Variants in ANKFY1 observed in about 807,000 individuals in gnomAD.
ANKFY1 encodes ankyrin repeat and FYVE domain-containing protein 1.
In ANKFY1, 47 loss-of-function variants were observed where a neutral mutation model predicts 128.3. That is an observed-to-expected ratio of 0.37 (90% confidence interval 0.29 to 0.47). The LOEUF (loss-of-function observed/expected upper bound fraction) is 0.47. Ranked by LOEUF, ANKFY1 falls within the 20% of genes least tolerant of loss-of-function variation. ANKFY1 has a pLI of 1.00. For missense variants in ANKFY1, 1,222 were observed against 1,510.6 expected (o/e 0.81, Z 3.17); for synonymous variants, 553 against 601.6 (o/e 0.92, Z 1.18).
At chr17:4,245,687 G>C (rs867456464) in intron 1 of ANKFY1, among the ~76,000 whole-genome samples, 2 of 149,688 alleles carry the variant, frequency 1.3e-5, no homozygotes, top group Non-Finnish European at 3.0e-5. Flanking sequence ...AGGCTGCAAA[G>C]AGCCGAGATT....
At chr17:4,171,295 A>G (rs529925106) in intron 22 of ANKFY1, among the ~76,000 whole-genome samples, 182 of 152,330 alleles carry the variant, frequency 1.2e-3, no homozygotes, top group Non-Finnish European at 2.2e-3. Context: ...TTGTGTACAC[A>G]TGGAGAAGAA....
At chr17:4,258,094 G>C (rs1271505068) in intron 1 of ANKFY1, among the ~76,000 whole-genome samples, 1 of 152,178 alleles carries the variant, frequency 6.6e-6, no homozygotes, top group Non-Finnish European at 1.5e-5. Flanking sequence ...GCTACAGCTG[G>C]TGACAGTAGT....
chr17:4,198,125 G>A (rs1172276222), intron 7 of ANKFY1, among the ~76,000 whole-genome samples: 10 of 146,378 alleles, frequency 6.8e-5, no homozygotes, highest in Non-Finnish European at 1.1e-4. Context: ...GCAAAACTCC[G>A]TCTTAAAAAA....
chr17:4,179,610 A>T, intron 17 of ANKFY1, 111 bp downstream of exon 17: 1 of 1,404,536 alleles, frequency 7.1e-7, no homozygotes, highest in East Asian at 2.3e-5. Context: ...TCGTGTGTTC[A>T]TGAAGCAGCA....
chr17:4,256,534 G>C (rs1968137966), intron 1 of ANKFY1, among the ~76,000 whole-genome samples: 1 of 152,120 alleles, frequency 6.6e-6, no homozygotes, highest in Non-Finnish European at 1.5e-5. Context: ...TGTGAGAGGT[G>C]TACAGCATCC....
chr17:4,200,145 T>C lies in ANKFY1; in HGVS notation c.899-2568A>G, dbSNP rs1194944474. Among the ~76,000 whole-genome samples the C allele has an allele frequency of 2.0e-5, 3 of 151,108 alleles. No homozygotes were observed. The Admixed American group carries it at 2.0e-4, about 10-fold the overall frequency. On this transcript the variant is annotated intron_variant, in intron 7 of 24. Transcript: ENST00000341657. ...GTCATCATCACGGCTCACTGCAGCC[T>C]CAACTTCCAGGGCTCAGTTGATCCT...
intron 1 of ANKFY1, among the ~76,000 whole-genome samples, chr17:4,259,081 G>C (rs1367770935): frequency 6.6e-6 from 1 of 152,156 alleles, no homozygotes; most frequent in Non-Finnish European, 1.5e-5. Flanking sequence ...AGAAACATTA[G>C]GCGCTGTGGA....
At chr17:4,215,455 GCTT>G (rs1349275713) in intron 4 of ANKFY1, among the ~76,000 whole-genome samples, 10 of 152,126 alleles carry the variant, frequency 6.6e-5, no homozygotes, top group Admixed American at 6.6e-4. Flanking sequence ...AGCAACGGCT[GCTT>G]CACACTGAAC....
Position 4,169,059 on chromosome 17 carries a change from T to G in ANKFY1, c.3377+139A>C. 1.4e-6 allele frequency: 1 copy of G among 735,716 alleles called. No individual in the cohort carries two copies. The highest frequency in any genetic ancestry group is 2.3e-6 in the Non-Finnish European group (1 of 432,172). 45.6% of individuals were successfully genotyped at this position (735,716 alleles called of 1,614,324 possible). A position where few individuals can be genotyped will look rare whatever the true frequency, so the allele number is the denominator to read the frequency against. ...TCAGTAGGATCCTTGGGTGTGCTCA[T>G]CTCATCCCTCCATTTGGTCAAGGTT... On this transcript the variant is annotated intron_variant, in intron 24 of 24. Coordinates refer to ENST00000341657, the MANE Select transcript of ANKFY1 (RefSeq NM_001330063.2). This position sits in a 1 kb window ranked among gnomAD's most constrained non-coding sequence, Gnocchi z 5.0.
Position 4,242,406 on chromosome 17 carries a change from T to C in ANKFY1, c.53A>G (p.Gln18Arg), listed in dbSNP as rs1159986772. ...CTTCTTCTGCAGCTTGACATACTCC[T>C]GCCGCAGAAGCATCAAGTGCTTCTC... ...KLEKHLMLLR[Q>R]EYVKLQKKLA... The change falls in exon 2 of 25, where the codon CAG (glutamine) becomes CGG (arginine). Residue 18 changes from glutamine (Q) to arginine (R), a missense_variant. Gln to Arg is a conservative substitution (Grantham distance 43). Coordinates refer to ENST00000341657, the MANE Select transcript of ANKFY1 (RefSeq NM_001330063.2). 1.3e-5 allele frequency: 21 copies of C among 1,583,872 alleles called. No individual in the cohort carries two copies. The highest frequency in any genetic ancestry group is 1.8e-5 in the Non-Finnish European group (21 of 1,167,918).
chr17:4,178,938 G>A lies in ANKFY1; in HGVS notation c.2517C>T (p.Thr839=), dbSNP rs1238389488. 6.2e-7 allele frequency: 1 copy of A among 1,614,158 alleles called. No individual in the cohort carries two copies. Among genetic ancestry groups the A allele is most frequent in the South Asian group, 1.1e-5 (1 of 91,076 alleles). ...TGAAAGTCATGGCACAGGCAAACGG[G>A]GTCAGCCCTTGTCTGTCTCGTACAT... The part of the protein sequence containing the change: ...HLNVRDRQGL[T]PFACAMTFKN... The change falls in exon 18 of 25, where the codon ACC becomes ACT. Residue 839 remains threonine (T), a synonymous_variant. Transcript: ENST00000341657. This position sits in a 1 kb window ranked among gnomAD's most constrained non-coding sequence, Gnocchi z 4.1.
intron 5 of ANKFY1, among the ~76,000 whole-genome samples, chr17:4,209,192 G>A (rs2060080970): frequency 6.6e-6 from 1 of 152,248 alleles, no homozygotes. Context: ...GAAGCTGCAG[G>A]GCCTGCTGGC....
At chr17:4,238,925 A>G (rs1410959384) in intron 2 of ANKFY1, among the ~76,000 whole-genome samples, 3 of 152,126 alleles carry the variant, frequency 2.0e-5, no homozygotes, top group African/African-American at 7.2e-5. Flanking sequence ...CGCCCAGCTA[A>G]TTTTTGTAAT....
At position 4,189,362 on chromosome 17, in the gene ANKFY1, G is replaced by A. The variant is rs374929577; in HGVS notation, c.1470+20C>T. The A allele has an allele frequency of 1.0e-4, 154 of 1,545,558 alleles. No individual in the cohort carries two copies. Among genetic ancestry groups the A allele is most frequent in the Non-Finnish European group, 1.2e-4 (141 of 1,138,040 alleles). ...TCCATAGATCAACACCATTTTCTCC[G>A]GCTGCCCTGTCACACTTACCCACTT... On this transcript the variant is annotated intron_variant, in intron 11 of 24. Coordinates refer to ENST00000341657, the MANE Select transcript of ANKFY1 (RefSeq NM_001330063.2).
chr17:4,185,672 G>A lies in ANKFY1; in HGVS notation c.1471-626C>T, dbSNP rs150957733. Among the ~76,000 whole-genome samples the A allele has an allele frequency of 5.0e-3, 760 of 152,256 alleles. 5 individuals are homozygous for A. Among genetic ancestry groups the A allele is most frequent in the African/African-American group, 0.018 (734 of 41,546 alleles). ...TCAGTGTCTTCCCCAAGCACCTTCC[G>A]AAAGCACTGGCTTCTTGACTTCACC... On this transcript the variant is annotated intron_variant, in intron 11 of 24. Transcript: ENST00000341657.
At chr17:4,235,457 TTA>T (rs1966874648) in intron 3 of ANKFY1, among the ~76,000 whole-genome samples, 1 of 152,106 alleles carries the variant, frequency 6.6e-6, no homozygotes, top group Non-Finnish European at 1.5e-5. Flanking sequence ...ACATGAATCC[TTA>T]TTTACAGCAT....
chr17:4,259,823 A>G (rs540238620), intron 1 of ANKFY1, among the ~76,000 whole-genome samples: 58 of 152,330 alleles, frequency 3.8e-4, no homozygotes, highest in Admixed American at 2.0e-3. Context: ...GGAGTGAGCA[A>G]AACAGACCAA....
chr17:4,194,882 C>A, intron 10 of ANKFY1, 96 bp downstream of exon 10: 1 of 1,105,720 alleles, frequency 9.0e-7, no homozygotes, highest in Non-Finnish European at 1.3e-6. Context: ...TCATAGTATG[C>A]CGTTCAGTTT....
chr17:4,262,386 C>G (rs1968467011), intron 1 of ANKFY1, among the ~76,000 whole-genome samples: 1 of 152,136 alleles, frequency 6.6e-6, no homozygotes. Context: ...CTCATCCTCC[C>G]GAGTACCTGG....
Sources: allele counts gnomAD v4.1 joint callset (sites outside exome capture counted in the v4.1 genomes callset), GRCh38; gene constraint gnomAD v4.1.1; non-coding constraint Gnocchi (gnomAD v3.1); transcripts MANE v1.5; gene names NCBI Gene and HGNC (gene_info 2026-07-23, HGNC 2026-07-21).